Variants in VTCN1 observed in about 807,000 individuals in gnomAD.
VTCN1 encodes the protein V-set domain containing T cell activation inhibitor 1.
Under a neutral mutation model 26.5 loss-of-function variants are expected in VTCN1, and 26 were observed. The ratio of observed to expected loss-of-function variants is 0.98; its 90% confidence interval spans 0.72 to 1.36. VTCN1 has a LOEUF of 1.36. Ranked by LOEUF, VTCN1 falls within the 40% of genes most tolerant of loss-of-function variation. The probability of loss-of-function intolerance (pLI) is 0.00; values close to 1 mark genes in which losing one functional copy is unlikely to be tolerated. For missense variants in VTCN1, 298 were observed against 337.7 expected (o/e 0.88, Z 0.92); for synonymous variants, 116 against 130.7 (o/e 0.89, Z 0.77).
At chr1:117,186,155 T>C (rs375027510) in intron 1 of VTCN1, among the ~76,000 whole-genome samples, 20 of 152,326 alleles carry the variant, frequency 1.3e-4, no homozygotes, top group African/African-American at 4.8e-4. Context: ...AGTTCAACAA[T>C]GGTCATGAGA....
chr1:117,153,313 A>G lies in VTCN1; in HGVS notation c.502T>C (p.Cys168Arg). ...DYNASSETLR[C>R]EAPRWFPQPT... ...TGGGGGAACCATCGGGGAGCCTCACACCGCAAGGTCTCTGAGCTGGCATTA... is the reference window on the plus strand; with the variant it reads ...TGGGGGAACCATCGGGGAGCCTCACGCCGCAAGGTCTCTGAGCTGGCATTA... The change falls in exon 4 of 6, where the codon TGT becomes CGT. Residue 168 changes from cysteine to arginine, a missense_variant. Physicochemically the swap from Cys to Arg is radical, Grantham distance 180. Transcript: ENST00000369458. The G allele has an allele frequency of 1.2e-6, 2 of 1,614,050 alleles. No individual in the cohort carries two copies. The highest frequency in any genetic ancestry group is 8.5e-7 in the Non-Finnish European group (1 of 1,179,960).
chr1:117,178,020 C>G (rs1375964684), intron 1 of VTCN1, among the ~76,000 whole-genome samples: 1 of 149,238 alleles, frequency 6.7e-6, no homozygotes. Flanking sequence ...GTCACTGCAG[C>G]CTTGGCCTCC....
At chr1:117,208,688 A>T (rs1290778196) in intron 1 of VTCN1, among the ~76,000 whole-genome samples, 1 of 152,108 alleles carries the variant, frequency 6.6e-6, no homozygotes, top group Non-Finnish European at 1.5e-5. Flanking sequence ...CATGATGGGG[A>T]GAGGGGAGGA....
intron 3 of VTCN1, among the ~76,000 whole-genome samples, chr1:117,154,783 C>CAA (rs916361996): frequency 0.011 from 426 of 39,830 alleles, no homozygotes; most frequent in Middle Eastern, 0.016. Flanking sequence ...AACTCCATCT[C>CAA]AAAAAAAAAA....
chr1:117,180,234 T>C (rs1431301183), intron 1 of VTCN1, among the ~76,000 whole-genome samples: 2 of 152,176 alleles, frequency 1.3e-5, no homozygotes, highest in East Asian at 3.8e-4. Flanking sequence ...TAAACCGTAT[T>C]TGAGTTTGCA....
Position 117,161,709 on chromosome 1 carries a change from G to A in VTCN1, c.98-4788C>T, listed in dbSNP as rs1305675518. On this transcript the variant is annotated intron_variant, in intron 2 of 5. Transcript: ENST00000369458. The surrounding 1 kb of genome is among the most constrained non-coding windows in gnomAD (Gnocchi z 4.3). ...TAAAATTATTGTAGGAGTAAGGGAC[G>A]TTTGGCAGGATTACCACATCTAAAC... 1.3e-5 allele frequency among the ~76,000 whole-genome samples: 2 copies of A among 152,200 alleles called. No homozygotes were observed. The highest frequency in any genetic ancestry group is 2.9e-5 in the Non-Finnish European group (2 of 68,044).
chr1:117,163,869 C>G (rs980354752), intron 2 of VTCN1, among the ~76,000 whole-genome samples: 1 of 152,188 alleles, frequency 6.6e-6, no homozygotes, highest in Non-Finnish European at 1.5e-5. Context: ...TCTCAGATGA[C>G]TCGAAGGTTT....
chr1:117,198,331 A>G (rs1459502683), intron 1 of VTCN1, among the ~76,000 whole-genome samples: 1 of 152,206 alleles, frequency 6.6e-6, no homozygotes, highest in Non-Finnish European at 1.5e-5. Flanking sequence ...TGTGTGTTAT[A>G]TGTGAATGAC....
rs1308683939 is a variant in VTCN1 at position 117,147,149 on chromosome 1, C to T, written c.*45+464G>A. Among the ~76,000 whole-genome samples the T allele has an allele frequency of 2.0e-5, 3 of 152,010 alleles. No homozygotes were observed. The East Asian group carries it at 5.8e-4, about 29-fold the overall frequency. Reference sequence around the variant, plus strand: ...GAAATATCCTAACAATAATTGGAGCCAGAGGACTGAAGTGAGAAGGAAATC... The same window carrying T: ...GAAATATCCTAACAATAATTGGAGCTAGAGGACTGAAGTGAGAAGGAAATC... On this transcript the variant is annotated intron_variant, in intron 5 of 5. Transcript: ENST00000369458. The surrounding 1 kb of genome is among the most constrained non-coding windows in gnomAD (Gnocchi z 4.6).
chr1:117,147,808 G>T lies in VTCN1; in HGVS notation c.725-26C>A. On this transcript the variant is annotated intron_variant, in intron 4 of 5. Transcript: ENST00000369458. This position sits in a 1 kb window ranked among gnomAD's most constrained non-coding sequence, Gnocchi z 4.6. ...CTGTGAAGTGAGAGAAAAAGTTTAG[G>T]GTCATACAGGAGAAGCTGGATGTCT... The T allele has an allele frequency of 6.2e-7, 1 of 1,608,518 alleles. No individual in the cohort carries two copies.
intron 1 of VTCN1, among the ~76,000 whole-genome samples, chr1:117,170,683 T>C (rs547281713): frequency 2.0e-5 from 3 of 152,248 alleles, no homozygotes; most frequent in Admixed American, 2.0e-4. Flanking sequence ...AAGTCATCAG[T>C]GGGAGTCTGT....
chr1:117,170,103 A>G lies in VTCN1; in HGVS notation c.97+4T>C. On this transcript the variant is annotated splice_donor_region_variant and intron_variant, in intron 2 of 5. Coordinates refer to ENST00000369458, the MANE Select transcript of VTCN1 (RefSeq NM_024626.4). ...AGATTGTAGTAATGCAAGAAATCACATACCTGAAATACCAAAGCCAATGAT... is the reference window on the plus strand; with the variant it reads ...AGATTGTAGTAATGCAAGAAATCACGTACCTGAAATACCAAAGCCAATGAT... 1.2e-6 allele frequency: 2 copies of G among 1,612,936 alleles called. No individual in the cohort carries two copies. The highest frequency in any genetic ancestry group is 1.7e-6 in the Non-Finnish European group (2 of 1,178,968).
chr1:117,164,684 T>C (rs1652525828), intron 2 of VTCN1, among the ~76,000 whole-genome samples: 1 of 152,164 alleles, frequency 6.6e-6, no homozygotes, highest in South Asian at 2.1e-4. Context: ...ATACAGTTAG[T>C]GTGAGCGCTG....
At position 117,159,690 on chromosome 1, in the gene VTCN1, A is replaced by AG. The variant is rs1480109123; in HGVS notation, c.98-2770_98-2769insC. The stretch of plus-strand genomic sequence containing the variant: ...TAGCACAGAAGTGAAATCTCATGTT[A>AG]ACTAAATGTGGCCTAGTCATTCTGA... On this transcript the variant is annotated intron_variant, in intron 2 of 5. Transcript: ENST00000369458. This position sits in a 1 kb window ranked among gnomAD's most constrained non-coding sequence, Gnocchi z 4.7. 6.6e-6 allele frequency among the ~76,000 whole-genome samples: 1 copy of AG among 152,258 alleles called. No individual in the cohort carries two copies. The highest frequency in any genetic ancestry group is 1.5e-5 in the Non-Finnish European group (1 of 68,042).
At position 117,153,324 on chromosome 1, in the gene VTCN1, TCTGAG is replaced by T; in HGVS notation, c.486_490del (p.Ser162ArgfsTer6). 1.2e-6 allele frequency: 2 copies of T among 1,613,936 alleles called. No individual in the cohort carries two copies. Among genetic ancestry groups the T allele is most frequent in the Non-Finnish European group, 1.7e-6 (2 of 1,179,842 alleles). On this transcript the variant is annotated frameshift_variant, in exon 4 of 6. Coordinates refer to ENST00000369458, the MANE Select transcript of VTCN1 (RefSeq NM_024626.4). LOFTEE classifies it high-confidence loss of function. ...TCGGGGAGCCTCACACCGCAAGGTC[TCTGAG>T]CTGGCATTATAGTCCACATTCACTT...
intron 1 of VTCN1, among the ~76,000 whole-genome samples, chr1:117,177,302 G>T (rs569477713): frequency 6.6e-6 from 1 of 152,278 alleles, no homozygotes; most frequent in East Asian, 1.9e-4. Context: ...AGCTTAGATT[G>T]TTGTCTACTC....
chr1:117,204,214 T>C (rs1219790943), intron 1 of VTCN1, among the ~76,000 whole-genome samples: 2 of 152,238 alleles, frequency 1.3e-5, no homozygotes, highest in Non-Finnish European at 2.9e-5. Flanking sequence ...GTGCTAACTA[T>C]ATACAAGACG....
chr1:117,187,929 TACCCACTTC>T (rs1183364379), intron 1 of VTCN1, among the ~76,000 whole-genome samples: 1 of 152,236 alleles, frequency 6.6e-6, no homozygotes, highest in Non-Finnish European at 1.5e-5. Context: ...CCATAATTCT[TACCCACTTC>T]ACTCACTTTG....
At chr1:117,178,944 A>G (rs1421211434) in intron 1 of VTCN1, among the ~76,000 whole-genome samples, 1 of 152,142 alleles carries the variant, frequency 6.6e-6, no homozygotes, top group Admixed American at 6.5e-5. Flanking sequence ...TCCCTGGGTT[A>G]GCAGAAACAC....
Sources: gnomAD v4.1 joint callset for allele counts (sites outside exome capture counted in the v4.1 genomes callset) on GRCh38, gnomAD v4.1.1 for gene constraint, Gnocchi (gnomAD v3.1) non-coding constraint, MANE v1.5 for transcripts, NCBI Gene and HGNC (gene_info 2026-07-23, HGNC 2026-07-21) for gene names.